Variants in SOX5 observed in about 807,000 individuals in gnomAD.
The protein encoded by SOX5 is transcription factor SOX-5.
Under a neutral mutation model 92.0 loss-of-function variants are expected in SOX5, and 9 were observed. That is an observed-to-expected ratio of 0.10 (90% CI 0.06 to 0.17). The LOEUF (loss-of-function observed/expected upper bound fraction) is 0.17, where lower values mean the gene tolerates loss of function less well. SOX5 is among the 10% of genes least tolerant of loss of function. The probability of loss-of-function intolerance (pLI) is 1.00; values close to 1 mark genes in which losing one functional copy is unlikely to be tolerated. For missense variants in SOX5, 642 were observed against 944.5 expected (o/e 0.68, Z 4.20); for synonymous variants, 344 against 336.3 (o/e 1.02, Z -0.25).
intron 4 of SOX5, among the ~76,000 whole-genome samples, chr12:23,752,501 A>C (rs547539270): frequency 2.0e-5 from 3 of 151,900 alleles, no homozygotes; most frequent in Non-Finnish European, 2.9e-5. Context: ...GATTAGTTAA[A>C]GCCGACATGG....
At chr12:24,063,518 G>T (rs952645884) in intron 4 of SOX5, among the ~76,000 whole-genome samples, 4 of 152,170 alleles carry the variant, frequency 2.6e-5, no homozygotes, top group Non-Finnish European at 5.9e-5. Context: ...TTTGCCACTT[G>T]TCATAAGTTT....
chr12:24,510,667 T>C (rs1949223468), intron 1 of SOX5, among the ~76,000 whole-genome samples: 1 of 152,198 alleles, frequency 6.6e-6, no homozygotes, highest in Non-Finnish European at 1.5e-5. Context: ...ATTCTGATAG[T>C]GCCTACATTT....
rs370452482 is a variant in SOX5 at position 23,530,853 on chromosome 12, G to C, written c.*3366C>G. The stretch of plus-strand genomic sequence containing the variant: ...CGCGCGCGCATGTGAGAGAGAGAGA[G>C]AAAGGGAAAGAGATAAAGTGTGAAC... On this transcript the variant is annotated 3_prime_UTR_variant, in exon 15 of 15. Transcript: ENST00000451604. The C allele has an allele frequency of 2.7e-5, 4 of 150,714 alleles. No homozygotes were observed. The highest frequency in any genetic ancestry group is 3.4e-3 in the Middle Eastern group (1 of 292). 9.3% of individuals were successfully genotyped at this position (150,714 alleles called of 1,614,324 possible).
chr12:24,179,398 T>G (rs1408854907), intron 4 of SOX5, among the ~76,000 whole-genome samples: 1 of 152,200 alleles, frequency 6.6e-6, no homozygotes, highest in Non-Finnish European at 1.5e-5. Context: ...ATACTTTGAA[T>G]TCTGATCTTT....
At chr12:24,447,689 G>T (rs185288017) in intron 1 of SOX5, among the ~76,000 whole-genome samples, 1 of 152,054 alleles carries the variant, frequency 6.6e-6, no homozygotes, top group Non-Finnish European at 1.5e-5. Context: ...TACTATCTTC[G>T]CAACTTTTCT....
At chr12:24,076,625 A>G (rs1942640041) in intron 4 of SOX5, among the ~76,000 whole-genome samples, 2 of 151,196 alleles carry the variant, frequency 1.3e-5, no homozygotes, top group Admixed American at 6.6e-5. Context: ...GTATTTTCAT[A>G]TTCATGTTGA....
intron 6 of SOX5, among the ~76,000 whole-genome samples, chr12:23,687,925 G>T (rs1022385208): frequency 6.6e-6 from 1 of 150,556 alleles, no homozygotes; most frequent in Non-Finnish European, 1.5e-5. Context: ...GTTTCAATCA[G>T]CCTGCCACTG....
intron 1 of SOX5, among the ~76,000 whole-genome samples, chr12:24,385,926 C>A (rs1446862863): frequency 0.027 from 1,954 of 72,748 alleles, no homozygotes; most frequent in African/African-American, 0.038. Context: ...GACCTTGTCA[C>A]AAAAAAAAAA....
intron 4 of SOX5, among the ~76,000 whole-genome samples, chr12:24,008,298 A>G (rs1952539031): frequency 1.3e-5 from 2 of 152,204 alleles, no homozygotes; most frequent in South Asian, 2.1e-4. Context: ...ATCACTGTCA[A>G]TCAGAGAATA....
chr12:23,762,613 G>GAA (rs71059921), intron 3 of SOX5: 23,460 of 378,362 alleles, frequency 0.062, no homozygotes, highest in South Asian at 0.085. Flanking sequence ...AATACAAAAA[G>GAA]AAAAAAAAAA....
At chr12:24,076,408 G>T (rs969100671) in intron 4 of SOX5, among the ~76,000 whole-genome samples, 1 of 152,008 alleles carries the variant, frequency 6.6e-6, no homozygotes, top group Non-Finnish European at 1.5e-5. Flanking sequence ...ATCAGACTCT[G>T]ACCAAAAAAA....
intron 3 of SOX5, among the ~76,000 whole-genome samples, chr12:24,273,327 T>C (rs1422592717): frequency 6.6e-6 from 1 of 152,224 alleles, no homozygotes; most frequent in Non-Finnish European, 1.5e-5. Flanking sequence ...GATTTTGCTT[T>C]TGCTTTATAG....
At chr12:24,361,144 T>C (rs1290546169) in intron 2 of SOX5, among the ~76,000 whole-genome samples, 1 of 152,126 alleles carries the variant, frequency 6.6e-6, no homozygotes, top group Non-Finnish European at 1.5e-5. Context: ...TTTGACTGGC[T>C]CTCTCAAAAA....
chr12:23,763,084 A>C (rs2094609322), intron 3 of SOX5, among the ~76,000 whole-genome samples: 1 of 152,168 alleles, frequency 6.6e-6, no homozygotes, highest in South Asian at 2.1e-4. Flanking sequence ...TTTACTACCA[A>C]ATATTTACAA....
intron 6 of SOX5, among the ~76,000 whole-genome samples, chr12:23,680,325 C>CAAAAAAAAAA (rs57754255): frequency 2.1e-5 from 1 of 48,390 alleles, no homozygotes; most frequent in Non-Finnish European, 3.9e-5. Flanking sequence ...GACCTTGTCT[C>CAAAAAAAAAA]AAAAAAAAAA....
rs1189914564 is a variant in SOX5, at chr12:23,570,928, AAAATATATATATATATATATATAT to A, written c.1342+4709_1342+4732del. 2.8e-3 allele frequency among the ~76,000 whole-genome samples: 66 copies of A among 23,196 alleles called. 6 individuals are homozygous for A. Among genetic ancestry groups the A allele is most frequent in the African/African-American group, 9.5e-3 (52 of 5,464 alleles). 15.2% of individuals were successfully genotyped at this position (23,196 alleles called of 152,430 possible). ...TCCAACTCAAAAAAAAAAAAAAAAA[AAAATATATATATATATATATATAT>A]ATATATATATATATATATATATATA... is the stretch of plus-strand genomic sequence containing the variant. On this transcript the variant is annotated intron_variant, in intron 10 of 14. Transcript: ENST00000451604.
At chr12:23,658,149 AAGTAC>A (rs1276765721) in intron 7 of SOX5, among the ~76,000 whole-genome samples, 2 of 152,182 alleles carry the variant, frequency 1.3e-5, no homozygotes, top group African/African-American at 4.8e-5. Flanking sequence ...ATAAATAATA[AAGTAC>A]AGTATAAGCT....
chr12:24,259,891 TTTATTTCA>T (rs1941839032), intron 3 of SOX5, among the ~76,000 whole-genome samples: 1 of 152,216 alleles, frequency 6.6e-6, no homozygotes, highest in Admixed American at 6.5e-5. Context: ...GGAGAGGAAC[TTTATTTCA>T]TTATTTACAG....
intron 2 of SOX5, among the ~76,000 whole-genome samples, chr12:24,337,444 G>A (rs1008269324): frequency 5.3e-5 from 8 of 151,482 alleles, no homozygotes; most frequent in Non-Finnish European, 1.2e-4. Context: ...AAGTTCAAGC[G>A]ATCCTCCCAC....
Sources: gnomAD v4.1 joint callset for allele counts (sites outside exome capture counted in the v4.1 genomes callset) on GRCh38, gnomAD v4.1.1 for gene constraint, MANE v1.5 for transcripts, NCBI Gene and HGNC (gene_info 2026-07-23, HGNC 2026-07-21) for gene names.